The following PDLIM5 variants were observed in gnomAD, a reference collection of about 807,000 sequenced individuals.
The protein encoded by PDLIM5 is PDZ and LIM domain 5.
Under a neutral mutation model 64.2 loss-of-function variants are expected in PDLIM5, and 34 were observed. That is an observed-to-expected ratio of 0.53 (90% CI 0.40 to 0.71). The LOEUF is 0.71. PDLIM5 is among the 30% of genes least tolerant of loss of function. PDLIM5 has a pLI of 0.00. For missense variants in PDLIM5, 683 were observed against 733.6 expected (o/e 0.93, Z 0.80); for synonymous variants, 253 against 269.1 (o/e 0.94, Z 0.59).
chr4:94,511,283 C>T (rs1728847204), intron 2 of PDLIM5, among the ~76,000 whole-genome samples: 1 of 152,128 alleles, frequency 6.6e-6, no homozygotes. Context: ...TATCATAGAA[C>T]AGAAATTTTA....
chr4:94,455,054 A>G (rs1723207149), intron 1 of PDLIM5, among the ~76,000 whole-genome samples, 193 bp from the exon 2 acceptor site: 1 of 152,228 alleles, frequency 6.6e-6, no homozygotes. Context: ...TTTTTAGACC[A>G]TGGAAATTGC....
At chr4:94,636,294 G>A (rs761338828) in intron 8 of PDLIM5, among the ~76,000 whole-genome samples, 26 of 151,952 alleles carry the variant, frequency 1.7e-4, no homozygotes, top group Non-Finnish European at 3.8e-4. Context: ...TAGATGAAAG[G>A]GTTTGGCTTT....
chr4:94,577,581 CTTTTTTTTTTT>C (rs11349007), intron 5 of PDLIM5, among the ~76,000 whole-genome samples: 1 of 106,858 alleles, frequency 9.4e-6, no homozygotes, highest in East Asian at 2.8e-4. Flanking sequence ...TGGTCGTAAT[CTTTTTTTTTTT>C]TTTTTTTTTT....
chr4:94,659,988 C>T (rs1742551862), intron 11 of PDLIM5, among the ~76,000 whole-genome samples: 1 of 151,872 alleles, frequency 6.6e-6, no homozygotes, highest in African/African-American at 2.4e-5. Context: ...CCTCCACCTC[C>T]CGGGTTCAGG....
chr4:94,647,100 C>T (rs1741476266), intron 9 of PDLIM5, among the ~76,000 whole-genome samples: 1 of 152,032 alleles, frequency 6.6e-6, no homozygotes, highest in South Asian at 2.1e-4. Context: ...ACAAAAAAGG[C>T]ATACAACATA....
At chr4:94,513,700 G>A (rs952849698) in intron 2 of PDLIM5, among the ~76,000 whole-genome samples, 1 of 152,082 alleles carries the variant, frequency 6.6e-6, no homozygotes, top group Non-Finnish European at 1.5e-5. Flanking sequence ...CTCCAGTTTG[G>A]AACGTTGTAT....
intron 9 of PDLIM5, among the ~76,000 whole-genome samples, chr4:94,646,027 G>A (rs1292174904): frequency 6.6e-6 from 1 of 152,094 alleles, no homozygotes; most frequent in Non-Finnish European, 1.5e-5. Context: ...ATTACTTGGG[G>A]CTCACTTTTC....
At chr4:94,481,672 G>C (rs2452553) in intron 2 of PDLIM5, among the ~76,000 whole-genome samples, 58,011 of 151,370 alleles carry the variant, frequency 0.38, 11,711 homozygotes, top group Non-Finnish European at 0.46. Flanking sequence ...GCAGTGGCGC[G>C]ATCTCCGCTC....
At chr4:94,465,604 T>C (rs1247819872) in intron 2 of PDLIM5, among the ~76,000 whole-genome samples, 1 of 151,866 alleles carries the variant, frequency 6.6e-6, no homozygotes. Context: ...AGAGACGGGG[T>C]TTCACCATGT....
At chr4:94,581,540 A>G (rs1275095938) in intron 5 of PDLIM5, among the ~76,000 whole-genome samples, 1 of 152,154 alleles carries the variant, frequency 6.6e-6, no homozygotes, top group African/African-American at 2.4e-5. Context: ...AACTATTGAG[A>G]TCAACTTAAT....
At chr4:94,565,245 G>T (rs79301491) in intron 3 of PDLIM5, among the ~76,000 whole-genome samples, 1 of 152,108 alleles carries the variant, frequency 6.6e-6, no homozygotes, top group Non-Finnish European at 1.5e-5. Context: ...TAATATAAGG[G>T]TGTTTGTTTG....
chr4:94,461,173 T>G (rs1723844739), intron 2 of PDLIM5, among the ~76,000 whole-genome samples: 1 of 152,216 alleles, frequency 6.6e-6, no homozygotes, highest in Non-Finnish European at 1.5e-5. Flanking sequence ...AAGGAGTTAT[T>G]TAGCATCGTA....
rs148248829 is a variant in PDLIM5, at chr4:94,586,376, A to C, written c.884-32A>C. On this transcript the variant is annotated intron_variant, in intron 6 of 12. Transcript: ENST00000317968. ...GTGATTTTGAAGTTAAACAAAACAAACTAATATTGGATATTGCTTATTATA... is the reference window on the plus strand; with the variant it reads ...GTGATTTTGAAGTTAAACAAAACAACCTAATATTGGATATTGCTTATTATA... The C allele has an allele frequency of 8.8e-4, 1,091 of 1,236,388 alleles. 4 individuals carry two copies. In the African/African-American group the frequency reaches 0.014, roughly 16 times the overall value. 76.6% of individuals were successfully genotyped at this position (1,236,388 alleles called of 1,614,324 possible). A position where few individuals can be genotyped will look rare whatever the true frequency, so the allele number is the denominator to read the frequency against.
chr4:94,522,313 T>C (rs1729902228), intron 2 of PDLIM5, among the ~76,000 whole-genome samples: 1 of 152,182 alleles, frequency 6.6e-6, no homozygotes. Flanking sequence ...CTAAAATCAT[T>C]AGGTTTTTTT....
chr4:94,551,570 A>G (rs17021775), intron 3 of PDLIM5, among the ~76,000 whole-genome samples: 13,005 of 152,148 alleles, frequency 0.085, 931 homozygotes, highest in African/African-American at 0.2. Context: ...TTTAACCGCA[A>G]CCCTGTATTG....
rs1215377447 is a variant in PDLIM5, at chr4:94,456,077, C to T, written c.96+693C>T. ...TTGAGACTTGACTATATGTCAGGTA[C>T]TGTTTCACTTTCATCACCAGTAGGT... On this transcript the variant is annotated intron_variant, in intron 2 of 12. Transcript: ENST00000317968. 5 of 1,051,398 alleles carry T rather than the reference C, an allele frequency of 4.8e-6. No individual in the cohort carries two copies. The African/African-American group carries it at 6.5e-5, about 14-fold the overall frequency. 65.1% of individuals were successfully genotyped at this position (1,051,398 alleles called of 1,614,324 possible). A position where few individuals can be genotyped will look rare whatever the true frequency, so the allele number is the denominator to read the frequency against.
chr4:94,611,936 G>A (rs565190218), intron 7 of PDLIM5, among the ~76,000 whole-genome samples: 1 of 152,070 alleles, frequency 6.6e-6, no homozygotes, highest in African/African-American at 2.4e-5. Flanking sequence ...TATTTACCTG[G>A]GCCAGGTGCA....
At chr4:94,514,165 T>TA (rs1729153463) in intron 2 of PDLIM5, among the ~76,000 whole-genome samples, 1 of 148,054 alleles carries the variant, frequency 6.8e-6, no homozygotes. Context: ...GACGGAGTCT[T>TA]ACGTGGTCGC....
intron 3 of PDLIM5, among the ~76,000 whole-genome samples, chr4:94,556,381 T>C (rs1466721207): frequency 6.6e-6 from 1 of 152,222 alleles, no homozygotes; most frequent in Non-Finnish European, 1.5e-5. Flanking sequence ...TGCATGTGTC[T>C]TTATAGCAGC....
Sources: gnomAD v4.1 joint callset for allele counts (sites outside exome capture counted in the v4.1 genomes callset) on GRCh38, gnomAD v4.1.1 for gene constraint, MANE v1.5 for transcripts, NCBI Gene and HGNC (gene_info 2026-07-23, HGNC 2026-07-21) for gene names.